Variants in SDK1 observed in about 807,000 individuals in gnomAD.
The protein encoded by SDK1 is sidekick cell adhesion molecule 1, also known as protein sidekick-1.
In SDK1, 157 loss-of-function variants were observed where a neutral mutation model predicts 245.5. The observed-to-expected ratio is 0.64, with a 90% CI of 0.56 to 0.73. SDK1 has a LOEUF of 0.73. Ranked by LOEUF, SDK1 falls within the 30% of genes least tolerant of loss-of-function variation. The probability of loss-of-function intolerance (pLI) is 0.00; values close to 1 mark genes in which losing one functional copy is unlikely to be tolerated. For missense variants in SDK1, 3,583 were observed against 3,002.3 expected, an observed-to-expected ratio of 1.19 and a Z score of -4.52; for synonymous variants, 1,647 against 1,278.5, an observed-to-expected ratio of 1.29 and a Z score of -6.15.
chr7:3,339,399 C>T (rs1447480456), intron 1 of SDK1, among the ~76,000 whole-genome samples: 3 of 152,054 alleles, frequency 2.0e-5, no homozygotes, highest in African/African-American at 4.8e-5. Context: ...AAACTATACA[C>T]CAAATCAGCA....
chr7:3,769,691 G>T (rs192586989), intron 4 of SDK1, among the ~76,000 whole-genome samples: 2 of 152,068 alleles, frequency 1.3e-5, no homozygotes, highest in South Asian at 4.1e-4. Context: ...TGGGACTCCT[G>T]TTCAACTCAG....
chr7:3,390,087 T>G (rs1310352372), intron 1 of SDK1, among the ~76,000 whole-genome samples: 1 of 152,140 alleles, frequency 6.6e-6, no homozygotes. Context: ...GTGATGAAGT[T>G]GGCTATTTAG....
intron 7 of SDK1, among the ~76,000 whole-genome samples, chr7:3,954,224 C>T (rs1232424384): frequency 6.7e-6 from 1 of 150,002 alleles, no homozygotes; most frequent in Non-Finnish European, 1.5e-5. Flanking sequence ...GGAGCAGCCC[C>T]TCTACGCCCT....
intron 1 of SDK1, among the ~76,000 whole-genome samples, chr7:3,407,816 G>C (rs960120497): frequency 4.6e-5 from 7 of 152,154 alleles, no homozygotes; most frequent in Admixed American, 1.3e-4. Context: ...TTGTGGCAGA[G>C]AGGGCCTTGA....
chr7:3,966,369 T>G (rs543392846), intron 9 of SDK1, among the ~76,000 whole-genome samples: 63 of 152,222 alleles, frequency 4.1e-4, no homozygotes, highest in African/African-American at 1.4e-3. Context: ...CACAGAAGAC[T>G]TGAGAGACAC....
chr7:4,041,681 T>A lies in SDK1; in HGVS notation c.2603-7667T>A, dbSNP rs1013950541. Among the ~76,000 whole-genome samples, 4 of 92,120 alleles carry A rather than the reference T, an allele frequency of 4.3e-5. 1 individual carries two copies. Among genetic ancestry groups the A allele is most frequent in the African/African-American group, 3.6e-4 (4 of 11,260 alleles). 60.4% of individuals were successfully genotyped at this position (92,120 alleles called of 152,430 possible). A position where few individuals can be genotyped will look rare whatever the true frequency, so the allele number is the denominator to read the frequency against. On this transcript the variant is annotated intron_variant, in intron 17 of 44. Coordinates refer to ENST00000404826, the MANE Select transcript of SDK1 (RefSeq NM_152744.4). ...GTTTGACCTTTTCCAAAATGTCATA[T>A]GTAGTTGGAATCACACAACACATGG...
chr7:3,439,225 T>C (rs911050017), intron 1 of SDK1, among the ~76,000 whole-genome samples: 4 of 152,180 alleles, frequency 2.6e-5, no homozygotes, highest in African/African-American at 9.7e-5. Context: ...TTAGACACAA[T>C]ATAGTTAACC....
chr7:3,611,000 C>A (rs1205602624), intron 1 of SDK1, among the ~76,000 whole-genome samples: 1 of 152,146 alleles, frequency 6.6e-6, no homozygotes, highest in Non-Finnish European at 1.5e-5. Flanking sequence ...CAATCTTTGA[C>A]TTGTGTTAGT....
At chr7:3,305,461 G>C (rs1404873) in intron 1 of SDK1, among the ~76,000 whole-genome samples, 116,122 of 152,144 alleles carry the variant, frequency 0.76, 44,778 homozygotes, top group African/African-American at 0.87. Flanking sequence ...TGGACAGGGT[G>C]TACTAATTAG....
chr7:4,059,131 G>A (rs576436387), intron 19 of SDK1, among the ~76,000 whole-genome samples: 1 of 152,112 alleles, frequency 6.6e-6, no homozygotes, highest in Admixed American at 6.5e-5. Flanking sequence ...CAAAAGGATA[G>A]ACTGGCTGAA....
At chr7:3,607,656 G>T (rs1781464318) in intron 1 of SDK1, among the ~76,000 whole-genome samples, 1 of 152,126 alleles carries the variant, frequency 6.6e-6, no homozygotes, top group Admixed American at 6.5e-5. Flanking sequence ...AACTTCTTTG[G>T]CTTAATAGTT....
chr7:4,157,427 A>AAGG (rs144175678), intron 30 of SDK1, among the ~76,000 whole-genome samples: 57,618 of 104,032 alleles, frequency 0.55, 14,056 homozygotes, highest in East Asian at 0.76. Flanking sequence ...GGAGGGAAGG[A>AAGG]AGGCAAGAGA....
At chr7:4,261,287 C>T (rs145126949) in intron 44 of SDK1, among the ~76,000 whole-genome samples, 11 of 152,276 alleles carry the variant, frequency 7.2e-5, no homozygotes, top group Non-Finnish European at 1.3e-4. Context: ...GAGGGAGCAG[C>T]TGGCAGGAAC....
chr7:3,438,445 C>T (rs563495503), intron 1 of SDK1, among the ~76,000 whole-genome samples: 5 of 152,122 alleles, frequency 3.3e-5, no homozygotes, highest in East Asian at 3.8e-4. Flanking sequence ...ATAAATGTTA[C>T]GTTTTCTGTG....
chr7:3,525,162 C>G (rs1450468318), intron 1 of SDK1, among the ~76,000 whole-genome samples: 1 of 151,956 alleles, frequency 6.6e-6, no homozygotes, highest in African/African-American at 2.4e-5. Flanking sequence ...CATTTCCTAT[C>G]TGGGACTTGA....
chr7:4,123,376 G>A (rs760536171), intron 25 of SDK1, among the ~76,000 whole-genome samples: 6 of 151,786 alleles, frequency 4.0e-5, no homozygotes, highest in Non-Finnish European at 7.4e-5. Flanking sequence ...TTGATTCAAG[G>A]TCCCAGTTTA....
chr7:3,459,693 A>T (rs992314733), intron 1 of SDK1, among the ~76,000 whole-genome samples: 2 of 152,174 alleles, frequency 1.3e-5, no homozygotes, highest in African/African-American at 4.8e-5. Flanking sequence ...TGTTGGGAAG[A>T]CCTTGGTCAC....
chr7:3,812,443 A>T (rs979490875), intron 4 of SDK1, among the ~76,000 whole-genome samples: 12 of 152,168 alleles, frequency 7.9e-5, no homozygotes, highest in African/African-American at 2.7e-4. Flanking sequence ...GCAACTTACC[A>T]CCGCTTGGGT....
At chr7:3,996,063 C>G (rs937621054) in intron 14 of SDK1, among the ~76,000 whole-genome samples, 4 of 151,958 alleles carry the variant, frequency 2.6e-5, no homozygotes, top group South Asian at 2.1e-4. Context: ...ATTTAACTCT[C>G]TAATTTTTCT....
Sources: gnomAD v4.1 joint callset for allele counts (sites outside exome capture counted in the v4.1 genomes callset) on GRCh38, gnomAD v4.1.1 for gene constraint, MANE v1.5 for transcripts, NCBI Gene and HGNC (gene_info 2026-07-23, HGNC 2026-07-21) for gene names.